SNX29: variants seen among roughly 807,000 people sequenced by gnomAD.
The protein encoded by SNX29 is sorting nexin 29, also known as sorting nexin-29.
In SNX29, 78 loss-of-function variants were observed where a neutral mutation model predicts 102.1. That is an observed-to-expected ratio of 0.76 (90% CI 0.64 to 0.92). The LOEUF is 0.92. Ranked by LOEUF, SNX29 falls within the 40% of genes least tolerant of loss-of-function variation. SNX29 has a pLI of 0.00. For synonymous variants in SNX29, 580 were observed against 414.5 expected (o/e 1.40, Z -4.85); for missense variants, 1,280 against 1,061.7 (o/e 1.21, Z -2.86).
chr16:12,274,759 A>T (rs1266582147), intron 14 of SNX29, among the ~76,000 whole-genome samples: 1 of 151,762 alleles, frequency 6.6e-6, no homozygotes. Flanking sequence ...CTTGTATTCT[A>T]TTTTGTTATT....
intron 18 of SNX29, among the ~76,000 whole-genome samples, chr16:12,451,271 C>T (rs2086288298): frequency 6.6e-6 from 1 of 152,188 alleles, no homozygotes; most frequent in South Asian, 2.1e-4. Flanking sequence ...AATGGAGATG[C>T]TCTGTAATAG....
chr16:12,429,131 G>C (rs1464784023), intron 18 of SNX29, among the ~76,000 whole-genome samples: 1 of 151,674 alleles, frequency 6.6e-6, no homozygotes, highest in African/African-American at 2.4e-5. Context: ...TTTCTAGTTA[G>C]TCCCAACACA....
At position 12,526,649 on chromosome 16, in the gene SNX29, A is replaced by C. The variant is rs1213574847; in HGVS notation, c.2318+1808A>C. The C allele has an allele frequency of 2.5e-5, 13 of 526,758 alleles. No homozygotes were observed. In the East Asian group the frequency reaches 4.7e-4, roughly 19 times the overall value. The allele number at this position is 526,758 out of a possible 1,614,324, so 32.6% of individuals were successfully genotyped here. A position where few individuals can be genotyped will look rare whatever the true frequency, so the allele number is the denominator to read the frequency against. On this transcript the variant is annotated intron_variant, in intron 20 of 20. Coordinates refer to ENST00000566228, the MANE Select transcript of SNX29 (RefSeq NM_032167.5). ...ATGGCCCAGGGTGCACGGGGGAATT[A>C]GCCTCTCGCGGAGTCATCACGCATC...
At chr16:12,181,980 T>C (rs1596450605) in intron 13 of SNX29, among the ~76,000 whole-genome samples, 1 of 148,870 alleles carries the variant, frequency 6.7e-6, no homozygotes, top group Non-Finnish European at 1.5e-5. Context: ...GCCTCTGGGG[T>C]TCAAGCGATT....
chr16:12,239,100 C>T (rs532285781), intron 14 of SNX29, among the ~76,000 whole-genome samples: 8 of 152,258 alleles, frequency 5.3e-5, no homozygotes, highest in South Asian at 4.1e-4. Flanking sequence ...ATGGAAGGGG[C>T]GTGTGAAGTG....
At chr16:12,231,547 AAACAAAAAAC>A (rs945871666) in intron 14 of SNX29, among the ~76,000 whole-genome samples, 2 of 152,126 alleles carry the variant, frequency 1.3e-5, no homozygotes, top group African/African-American at 2.4e-5. Context: ...AAAAAACAAA[AAACAAAAAAC>A]AAAAACAAAA....
chr16:12,047,644 C>T (rs984273220), intron 6 of SNX29, among the ~76,000 whole-genome samples: 2 of 141,538 alleles, frequency 1.4e-5, no homozygotes, highest in Non-Finnish European at 3.1e-5. Context: ...AGTTGCTGGA[C>T]CAAGGTCTTT....
chr16:12,047,531 T>C (rs1203134343), intron 6 of SNX29, among the ~76,000 whole-genome samples: 3 of 152,176 alleles, frequency 2.0e-5, no homozygotes, highest in African/African-American at 7.2e-5. Context: ...TTTATGGAGC[T>C]GAGTGTTTTG....
At chr16:12,503,432 G>A (rs1273449429) in intron 19 of SNX29, among the ~76,000 whole-genome samples, 1 of 152,198 alleles carries the variant, frequency 6.6e-6, no homozygotes, top group African/African-American at 2.4e-5. Context: ...AAGTCAGGGT[G>A]TTGGGGGGCA....
chr16:12,474,507 G>C (rs566196453), intron 18 of SNX29, among the ~76,000 whole-genome samples: 1 of 152,316 alleles, frequency 6.6e-6, no homozygotes, highest in Admixed American at 6.5e-5. Context: ...CATGTGGAAG[G>C]TGGAGAGAGA....
chr16:12,051,921 G>C lies in SNX29; in HGVS notation c.823G>C (p.Glu275Gln), dbSNP rs777175506. Residue 275 changes from glutamate (E) to glutamine (Q), a missense_variant, in exon 8 of 21, where the codon GAG becomes CAG. Glu to Gln is a conservative substitution (Grantham distance 29, BLOSUM62 2). Transcript: ENST00000566228. The stretch of plus-strand genomic sequence containing the variant: ...AATCTCATTTGATGATGAGGAAGAT[G>C]AGCAGAACTCTGGGGACGTGTTTAA... ...NIISFDDEED[E>Q]QNSGDVFKKT... 1.9e-6 allele frequency: 3 copies of C among 1,613,604 alleles called. No homozygotes were observed. In the Admixed American group the frequency reaches 5.0e-5, roughly 27 times the overall value.
Position 12,172,654 on chromosome 16 carries a change from T to G in SNX29, c.1596-26947T>G, listed in dbSNP as rs1031917879. Among the ~76,000 whole-genome samples, 34 of 152,196 alleles carry G rather than the reference T, an allele frequency of 2.2e-4. 1 individual carries two copies. The highest frequency in any genetic ancestry group is 3.2e-3 in the Middle Eastern group (1 of 316). On this transcript the variant is annotated intron_variant, in intron 13 of 20. Coordinates refer to ENST00000566228, the MANE Select transcript of SNX29 (RefSeq NM_032167.5). Reference sequence around the variant, plus strand: ...GCTTAGAATACTGCCTGACAGATATTAAGGGCTCAAAGAATTGTCATTGTC... The same window carrying G: ...GCTTAGAATACTGCCTGACAGATATGAAGGGCTCAAAGAATTGTCATTGTC...
chr16:12,129,513 T>C (rs1165447431), intron 12 of SNX29, 117 bp from the exon 13 acceptor site: 3 of 1,328,016 alleles, frequency 2.3e-6, no homozygotes, highest in Admixed American at 6.1e-5. Flanking sequence ...TTATGGTTTA[T>C]GCAGAGCCTT....
At chr16:12,316,649 T>G (rs2080755371) in intron 15 of SNX29, among the ~76,000 whole-genome samples, 1 of 152,218 alleles carries the variant, frequency 6.6e-6, no homozygotes, top group Admixed American at 6.5e-5. Context: ...GTCTTTGTTA[T>G]GCTCCCCCTG....
At position 12,339,370 on chromosome 16, in the gene SNX29, C is replaced by CAAAAAAAAAAAAAAA. The variant is rs58148692; in HGVS notation, c.1783-16783_1783-16769dup. On this transcript the variant is annotated intron_variant, in intron 15 of 20. Coordinates refer to ENST00000566228, the MANE Select transcript of SNX29 (RefSeq NM_032167.5). ...TGGGCGACAGAGTGAGATTCTGTCT[C>CAAAAAAAAAAAAAAA]AAAAAAAAAAAAAAAAAAAAAAAAG... Among the ~76,000 whole-genome samples, 72 of 56,276 alleles carry CAAAAAAAAAAAAAAA rather than the reference C, an allele frequency of 1.3e-3. 11 individuals carry two copies. The highest frequency in any genetic ancestry group is 7.3e-3 in the East Asian group (9 of 1,236). 36.9% of individuals were successfully genotyped at this position (56,276 alleles called of 152,430 possible). A position where few individuals can be genotyped will look rare whatever the true frequency, so the allele number is the denominator to read the frequency against.
intron 19 of SNX29, among the ~76,000 whole-genome samples, chr16:12,512,510 C>G (rs1338526140): frequency 6.7e-6 from 1 of 150,334 alleles, no homozygotes; most frequent in African/African-American, 2.5e-5. Context: ...ACCTCCCATG[C>G]TCAAGTGATC....
chr16:12,301,609 T>C (rs1443277874), intron 15 of SNX29, among the ~76,000 whole-genome samples: 3 of 152,234 alleles, frequency 2.0e-5, no homozygotes, highest in Admixed American at 6.5e-5. Context: ...TCCCCAGTCT[T>C]CTCGATTACG....
At chr16:12,379,176 GCT>G (rs1424609786) in intron 16 of SNX29, among the ~76,000 whole-genome samples, 2 of 152,186 alleles carry the variant, frequency 1.3e-5, no homozygotes, top group African/African-American at 4.8e-5. Context: ...ACAAGGTCTT[GCT>G]CTTTTTCTCA....
intron 14 of SNX29, among the ~76,000 whole-genome samples, chr16:12,226,469 C>T (rs2077612996): frequency 6.6e-6 from 1 of 151,996 alleles, no homozygotes; most frequent in Non-Finnish European, 1.5e-5. Context: ...TGATAGGAGG[C>T]AGCTTGTGGA....
Sources: allele counts gnomAD v4.1 joint callset (sites outside exome capture counted in the v4.1 genomes callset), GRCh38; gene constraint gnomAD v4.1.1; transcripts MANE v1.5; gene names NCBI Gene and HGNC (gene_info 2026-07-23, HGNC 2026-07-21).